Variants in SAMD4A observed in about 807,000 individuals in gnomAD.
SAMD4A encodes sterile alpha motif domain containing 4A, also known as protein Smaug homolog 1.
In SAMD4A, 33 loss-of-function variants were observed where a neutral mutation model predicts 81.3. That is an observed-to-expected ratio of 0.41 (90% CI 0.31 to 0.54). SAMD4A has a LOEUF of 0.54. SAMD4A is among the 20% of genes least tolerant of loss of function. The pLI is 0.37. For missense variants in SAMD4A, 854 were observed against 951.1 expected (o/e 0.90, Z 1.34); for synonymous variants, 389 against 382.1 (o/e 1.02, Z -0.21).
intron 8 of SAMD4A, among the ~76,000 whole-genome samples, chr14:54,765,070 C>T (rs1470930883): frequency 6.6e-6 from 1 of 152,122 alleles, no homozygotes; most frequent in Non-Finnish European, 1.5e-5. Flanking sequence ...GCCTACTGGA[C>T]CCTCAGGCAC....
In SAMD4A at chr14:54,702,467, A is replaced by G. The variant is rs145371662; in HGVS notation, c.602A>G (p.Asn201Ser). The change falls in exon 3 of 13, where the codon AAT (asparagine) becomes AGT (serine). Residue 201 changes from asparagine to serine, a missense_variant. Asn to Ser is a conservative substitution (Grantham distance 46). Transcript: ENST00000554335. ...TCTCGGGATTCTGGGATTTGCATCAATGCCTCCAACTGGCAGGACAAAAGC... is the reference window on the plus strand; with the variant it reads ...TCTCGGGATTCTGGGATTTGCATCAGTGCCTCCAACTGGCAGGACAAAAGC... ...QNSRDSGICI[N>S]ASNWQDKSMG... The G allele has an allele frequency of 1.9e-5, 30 of 1,614,184 alleles. No individual in the cohort carries two copies. Among genetic ancestry groups the G allele is most frequent in the African/African-American group, 9.3e-5 (7 of 75,056 alleles).
At chr14:54,577,826 G>A (rs975267747) in intron 2 of SAMD4A, among the ~76,000 whole-genome samples, 1 of 152,156 alleles carries the variant, frequency 6.6e-6, no homozygotes, top group Non-Finnish European at 1.5e-5. Context: ...AAGAAGATGA[G>A]CAGAGAGCTG....
intron 2 of SAMD4A, among the ~76,000 whole-genome samples, chr14:54,654,348 G>A (rs2035473673): frequency 6.6e-6 from 1 of 152,172 alleles, no homozygotes; most frequent in East Asian, 1.9e-4. Flanking sequence ...AGCTTAGCAA[G>A]AAAGACAGCA....
At chr14:54,729,627 A>G (rs2037509279) in intron 3 of SAMD4A, among the ~76,000 whole-genome samples, 1 of 152,252 alleles carries the variant, frequency 6.6e-6, no homozygotes, top group African/African-American at 2.4e-5. Context: ...AGGGTTTAGT[A>G]TAATGGTAGA....
chr14:54,722,477 G>A (rs530649626), intron 3 of SAMD4A, among the ~76,000 whole-genome samples: 38 of 152,260 alleles, frequency 2.5e-4, no homozygotes, highest in African/African-American at 7.5e-4. Context: ...ATCTACTTTA[G>A]ATCACAGACT....
intron 2 of SAMD4A, chr14:54,681,659 T>A: frequency 3.4e-6 from 1 of 289,986 alleles, no homozygotes; most frequent in Non-Finnish European, 5.2e-6. Flanking sequence ...CTCAAACTCC[T>A]GGGTTTAAGT....
At chr14:54,587,951 A>G (rs935907424) in intron 2 of SAMD4A, among the ~76,000 whole-genome samples, 1 of 152,198 alleles carries the variant, frequency 6.6e-6, no homozygotes, top group Non-Finnish European at 1.5e-5. Context: ...GAATAGTGTC[A>G]ATAGGATTGG....
chr14:54,566,477 C>T (rs140613076), upstream of SAMD4A, among the ~76,000 whole-genome samples: 3,785 of 151,844 alleles, frequency 0.025, 71 homozygotes, highest in Non-Finnish European at 0.039. Flanking sequence ...TCCTCCCCGC[C>T]GGCGGCGGCC....
chr14:54,589,063 T>C (rs185028591), intron 2 of SAMD4A, among the ~76,000 whole-genome samples: 100 of 152,366 alleles, frequency 6.6e-4, no homozygotes, highest in Non-Finnish European at 1.3e-3. Flanking sequence ...ACTTGCATTG[T>C]CTGTTTAAAC....
intron 3 of SAMD4A, among the ~76,000 whole-genome samples, chr14:54,724,102 A>AG (rs1265227361): frequency 1.3e-5 from 2 of 152,080 alleles, no homozygotes; most frequent in African/African-American, 4.8e-5. Flanking sequence ...CCCGGTAGGT[A>AG]GGTGGAATAA....
chr14:54,792,973 G>A lies in SAMD4A; in HGVS notation c.*4029G>A, dbSNP rs1005872458. On this transcript the variant is annotated 3_prime_UTR_variant, in exon 13 of 13. Transcript: ENST00000554335. ...TCTGTATTGTACATGCATGCCTTTC[G>A]TCCTGTTTTCCTGTATAAAGTTAGT... 9.9e-5 allele frequency: 15 copies of A among 152,092 alleles called. No individual in the cohort carries two copies. The highest frequency in any genetic ancestry group is 3.1e-4 in the African/African-American group (13 of 41,410). The allele number at this position is 152,092 out of a possible 1,614,324, so 9.4% of individuals were successfully genotyped here.
chr14:54,588,468 G>A (rs900505292), intron 2 of SAMD4A, among the ~76,000 whole-genome samples: 2 of 151,912 alleles, frequency 1.3e-5, no homozygotes, highest in African/African-American at 4.8e-5. Flanking sequence ...TCCATGAGGT[G>A]TGCCCTTAGA....
intron 2 of SAMD4A, among the ~76,000 whole-genome samples, chr14:54,592,193 C>T (rs2140186631): frequency 6.6e-6 from 1 of 152,238 alleles, no homozygotes; most frequent in Admixed American, 6.5e-5. Context: ...ATTGTAAGAA[C>T]TCCTTCAACA....
chr14:54,575,718 A>T (rs1044306121), intron 2 of SAMD4A, among the ~76,000 whole-genome samples: 62 of 152,224 alleles, frequency 4.1e-4, no homozygotes, highest in African/African-American at 1.5e-3. Context: ...TGACTTAAAA[A>T]TCTTTTCAAG....
chr14:54,771,921 T>C (rs1024737916), intron 9 of SAMD4A, among the ~76,000 whole-genome samples: 1 of 152,216 alleles, frequency 6.6e-6, no homozygotes, highest in African/African-American at 2.4e-5. Flanking sequence ...CCAGGGTGTT[T>C]GTTAGTAACA....
rs189822950 is a variant in SAMD4A at position 54,642,628 on chromosome 14, T to A, written c.197-59434T>A. Among the ~76,000 whole-genome samples, 53 of 152,330 alleles carry A rather than the reference T, an allele frequency of 3.5e-4. 2 individuals are homozygous for A. Among genetic ancestry groups the A allele is most frequent in the South Asian group, 2.7e-3 (13 of 4,820 alleles). On this transcript the variant is annotated intron_variant, in intron 2 of 12. Coordinates refer to ENST00000554335, the MANE Select transcript of SAMD4A (RefSeq NM_015589.6). ...GTGGAGATTCATTCAGTACCAGCTA[T>A]GTGCCTGGTACTGTGTTCATCACTG...
chr14:54,760,494 G>A lies in SAMD4A; in HGVS notation c.1510G>A (p.Val504Met), dbSNP rs1293787299. Reference protein sequence around the residue: ...PGQFTRVMGKVCTQLLVSRPD... With the variant: ...PGQFTRVMGKMCTQLLVSRPD... ...GCAGTTCACACGCGTCATGGGGAAA[G>A]GTAGAGCCTCATTCGCCCATTTCTT... Residue 504 changes from valine (V) to methionine (M), a missense_variant and splice_region_variant, in exon 7 of 13, where the codon GTG (valine) becomes ATG (methionine). Coordinates refer to ENST00000554335, the MANE Select transcript of SAMD4A (RefSeq NM_015589.6). 1.4e-6 allele frequency: 2 copies of A among 1,390,368 alleles called. No individual in the cohort carries two copies. The highest frequency in any genetic ancestry group is 1.9e-6 in the Non-Finnish European group (2 of 1,080,420). 86.1% of individuals were successfully genotyped at this position (1,390,368 alleles called of 1,614,324 possible).
At chr14:54,736,327 T>G (rs150410468) in intron 3 of SAMD4A, among the ~76,000 whole-genome samples, 1 of 152,294 alleles carries the variant, frequency 6.6e-6, no homozygotes, top group East Asian at 1.9e-4. Flanking sequence ...CCTGGAAGTG[T>G]TTGCAATACA....
chr14:54,760,836 C>G (rs1355037117), intron 7 of SAMD4A, among the ~76,000 whole-genome samples: 1 of 152,172 alleles, frequency 6.6e-6, no homozygotes, highest in Non-Finnish European at 1.5e-5. Flanking sequence ...ATTTTGGGAA[C>G]AAACCGTTCA....
Sources: allele counts gnomAD v4.1 joint callset (sites outside exome capture counted in the v4.1 genomes callset), GRCh38; gene constraint gnomAD v4.1.1; transcripts MANE v1.5; gene names NCBI Gene and HGNC (gene_info 2026-07-23, HGNC 2026-07-21).